Variants in ZFYVE28 observed in about 807,000 individuals in gnomAD.
ZFYVE28 encodes lateral signaling target protein 2 homolog.
In ZFYVE28, 40 loss-of-function variants were observed where a neutral mutation model predicts 82.1. The ratio of observed to expected loss-of-function variants is 0.49; its 90% confidence interval spans 0.38 to 0.63. The LOEUF (loss-of-function observed/expected upper bound fraction) is 0.63, where lower values mean the gene tolerates loss of function less well. Among genes scored for constraint, ZFYVE28 ranks in the 30% least tolerant of loss-of-function variants. ZFYVE28 has a pLI of 0.00. For missense variants in ZFYVE28, 1,321 were observed against 1,242.1 expected, an observed-to-expected ratio of 1.06 and a Z score of -0.96; for synonymous variants, 612 against 546.1, an observed-to-expected ratio of 1.12 and a Z score of -1.68.
chr4:2,271,000 C>A (rs1037661759), intron 12 of ZFYVE28, 144 bp from the exon 13 acceptor site: 4 of 1,278,276 alleles, frequency 3.1e-6, no homozygotes, highest in East Asian at 2.5e-5. Context: ...GGGGTTGTGA[C>A]CTTCAGGAGG....
chr4:2,401,979 C>A (rs1731234304), intron 1 of ZFYVE28, among the ~76,000 whole-genome samples: 1 of 152,210 alleles, frequency 6.6e-6, no homozygotes, highest in Admixed American at 6.5e-5. Flanking sequence ...GGATTTGGGT[C>A]GGGCAGCTCA....
chr4:2,341,295 C>T lies in ZFYVE28; in HGVS notation c.318+183G>A. 1 of 765,550 alleles carries T rather than the reference C, an allele frequency of 1.3e-6. No individual in the cohort carries two copies. Among genetic ancestry groups the T allele is most frequent in the Non-Finnish European group, 2.1e-6 (1 of 480,864 alleles). 47.4% of individuals were successfully genotyped at this position (765,550 alleles called of 1,614,324 possible). A position where few individuals can be genotyped will look rare whatever the true frequency, so the allele number is the denominator to read the frequency against. On this transcript the variant is annotated intron_variant, in intron 3 of 12. Coordinates refer to ENST00000290974, the MANE Select transcript of ZFYVE28 (RefSeq NM_020972.3). The surrounding 1 kb of genome is among the most constrained non-coding windows in gnomAD (Gnocchi z 4.5). ...TGGGGGCACCAGTTCATGGCTTTCC[C>T]AGATCCTCCAGGGGTGCACGGCCTA...
rs530256855 is a variant in ZFYVE28 at position 2,380,681 on chromosome 4, G to C, written c.40-26608C>G. The stretch of plus-strand genomic sequence containing the variant: ...CAGTGGGAGATAATTTGAATCATGG[G>C]GGTGATTTCCCCCATACTGTTCTCG... On this transcript the variant is annotated intron_variant, in intron 1 of 12. Transcript: ENST00000290974. Among the ~76,000 whole-genome samples, 3 of 152,286 alleles carry C rather than the reference G, an allele frequency of 2.0e-5. No homozygotes were observed. In the South Asian group the frequency reaches 6.2e-4, roughly 32 times the overall value.
intron 7 of ZFYVE28, among the ~76,000 whole-genome samples, chr4:2,309,786 T>C (rs1717219803): frequency 6.6e-6 from 1 of 152,196 alleles, no homozygotes; most frequent in Non-Finnish European, 1.5e-5. Flanking sequence ...ACGAAATCTG[T>C]TTCTATATCT....
rs1457432049 is a variant in ZFYVE28, at chr4:2,332,350, C to G, written c.701+3355G>C. ...TGCGGCCCCCTGGTCCTTGCTCGAGCCCTGGACTTGCCCCTGAGCATACAC... is the reference window on the plus strand; with the variant it reads ...TGCGGCCCCCTGGTCCTTGCTCGAGGCCTGGACTTGCCCCTGAGCATACAC... On this transcript the variant is annotated intron_variant, in intron 6 of 12. Transcript: ENST00000290974. The surrounding 1 kb of genome is among the most constrained non-coding windows in gnomAD (Gnocchi z 4.7). Among the ~76,000 whole-genome samples, 1 of 152,140 alleles carries G rather than the reference C, an allele frequency of 6.6e-6. No homozygotes were observed. The highest frequency in any genetic ancestry group is 2.4e-5 in the African/African-American group (1 of 41,418).
chr4:2,377,263 C>T (rs995007290), intron 1 of ZFYVE28, among the ~76,000 whole-genome samples: 10 of 151,794 alleles, frequency 6.6e-5, no homozygotes, highest in African/African-American at 1.2e-4. Flanking sequence ...CCTTGTGATC[C>T]GCCCGCCTCG....
chr4:2,336,559 C>T (rs1721718261), intron 5 of ZFYVE28, among the ~76,000 whole-genome samples: 1 of 119,548 alleles, frequency 8.4e-6, no homozygotes, highest in Admixed American at 7.8e-5. Flanking sequence ...ATGGCTTCCC[C>T]CTGCCCCCCC....
intron 6 of ZFYVE28, among the ~76,000 whole-genome samples, chr4:2,329,758 G>C (rs1720388192): frequency 6.6e-6 from 1 of 152,160 alleles, no homozygotes; most frequent in African/African-American, 2.4e-5. Context: ...GGATGTTTTT[G>C]CATAGCATTA....
intron 1 of ZFYVE28, among the ~76,000 whole-genome samples, chr4:2,392,241 C>G (rs1222688766): frequency 1.3e-5 from 2 of 152,104 alleles, no homozygotes; most frequent in African/African-American, 4.8e-5. Context: ...TAAAGCAGCT[C>G]CCTGAGGGAG....
intron 8 of ZFYVE28, among the ~76,000 whole-genome samples, chr4:2,276,280 G>A (rs1054481294): frequency 1.3e-5 from 2 of 152,224 alleles, no homozygotes; most frequent in African/African-American, 4.8e-5. Context: ...CCATGGGACG[G>A]GATCCTCTGC....
At chr4:2,389,405 C>T (rs762840) in intron 1 of ZFYVE28, among the ~76,000 whole-genome samples, 5,619 of 152,286 alleles carry the variant, frequency 0.037, 319 homozygotes, top group African/African-American at 0.12. Context: ...ACACACTGCC[C>T]AGCCCTTTCC....
chr4:2,298,508 C>G (rs2108816788), intron 8 of ZFYVE28, among the ~76,000 whole-genome samples: 1 of 152,308 alleles, frequency 6.6e-6, no homozygotes, highest in South Asian at 2.1e-4. Context: ...TCTGCCACTG[C>G]CAAGTTCCGG....
chr4:2,399,670 G>A (rs770815244), intron 1 of ZFYVE28, among the ~76,000 whole-genome samples: 1 of 152,216 alleles, frequency 6.6e-6, no homozygotes, highest in African/African-American at 2.4e-5. Context: ...GTTGCACCAG[G>A]TGGCCTACAG....
intron 5 of ZFYVE28, among the ~76,000 whole-genome samples, chr4:2,336,463 A>C (rs561714684): frequency 4.8e-4 from 73 of 152,372 alleles, no homozygotes; most frequent in African/African-American, 1.7e-3. Context: ...CTTGAACAAG[A>C]GAAACATCAA....
Position 2,289,279 on chromosome 4 carries a change from C to A in ZFYVE28, c.2051+15010G>T, listed in dbSNP as rs534914086. On this transcript the variant is annotated intron_variant, in intron 8 of 12. Coordinates refer to ENST00000290974, the MANE Select transcript of ZFYVE28 (RefSeq NM_020972.3). ...CTTGGGTGACAGTAAGACCCTGCCT[C>A]AATAATTAAATTAAATTAATAAAAT... 5.5e-4 allele frequency among the ~76,000 whole-genome samples: 84 copies of A among 152,298 alleles called. 2 individuals carry two copies. The South Asian group carries it at 0.017, about 31-fold the overall frequency.
chr4:2,341,708 G>GT lies in ZFYVE28; in HGVS notation c.181-94dup. The stretch of plus-strand genomic sequence containing the variant: ...GAAAACACGCACGGTGCATGTGACT[G>GT]TTTTTTAGGATTATTAAAGTGATAG... On this transcript the variant is annotated intron_variant, in intron 2 of 12. Coordinates refer to ENST00000290974, the MANE Select transcript of ZFYVE28 (RefSeq NM_020972.3). The surrounding 1 kb of genome is among the most constrained non-coding windows in gnomAD (Gnocchi z 4.5). 1 of 1,513,286 alleles carries GT rather than the reference G, an allele frequency of 6.6e-7. No homozygotes were observed. The highest frequency in any genetic ancestry group is 9.0e-7 in the Non-Finnish European group (1 of 1,113,138). 93.7% of individuals were successfully genotyped at this position (1,513,286 alleles called of 1,614,324 possible). A position where few individuals can be genotyped will look rare whatever the true frequency, so the allele number is the denominator to read the frequency against.
intron 8 of ZFYVE28, among the ~76,000 whole-genome samples, chr4:2,288,042 C>A (rs902238464): frequency 6.6e-6 from 1 of 152,280 alleles, no homozygotes; most frequent in Non-Finnish European, 1.5e-5. Context: ...TGGCCGGGCC[C>A]TATCGAGGTG....
At chr4:2,361,749 G>A (rs915624330) in intron 1 of ZFYVE28, among the ~76,000 whole-genome samples, 6 of 152,272 alleles carry the variant, frequency 3.9e-5, no homozygotes, top group Admixed American at 2.6e-4. Context: ...ATCTATGTGC[G>A]GTAAGGGGGT....
Position 2,417,139 on chromosome 4 carries a change from G to C in ZFYVE28, c.39+1146C>G, listed in dbSNP as rs1336285084. ...GGTAGGTCGGCAACGCGGTGGCCTC[G>C]GACGTCCGAGCTGCCCGGACGAAGC... On this transcript the variant is annotated intron_variant, in intron 1 of 12. Transcript: ENST00000290974. This position sits in a 1 kb window ranked among gnomAD's most constrained non-coding sequence, Gnocchi z 4.8. 1.3e-5 allele frequency among the ~76,000 whole-genome samples: 2 copies of C among 152,164 alleles called. No homozygotes were observed. The highest frequency in any genetic ancestry group is 4.8e-5 in the African/African-American group (2 of 41,442).
Sources: gnomAD v4.1 joint callset for allele counts (sites outside exome capture counted in the v4.1 genomes callset) on GRCh38, gnomAD v4.1.1 for gene constraint, Gnocchi (gnomAD v3.1) non-coding constraint, MANE v1.5 for transcripts, NCBI Gene and HGNC (gene_info 2026-07-23, HGNC 2026-07-21) for gene names.